The following HACD3 variants were observed in gnomAD, a reference collection of about 807,000 sequenced individuals.
HACD3 encodes the protein very-long-chain (3R)-3-hydroxyacyl-CoA dehydratase 3.
HACD3 carries 30 observed loss-of-function variants against 55.2 expected under a neutral mutation model. That is an observed-to-expected ratio of 0.54 (90% CI 0.41 to 0.74). The LOEUF (loss-of-function observed/expected upper bound fraction) is 0.74, where lower values mean the gene tolerates loss of function less well. HACD3 is among the 30% of genes least tolerant of loss of function. The pLI, the probability that HACD3 is intolerant of heterozygous loss-of-function variation, is 0.00. For missense variants in HACD3, 363 were observed against 440.1 expected, an observed-to-expected ratio of 0.82 and a Z score of 1.57; for synonymous variants, 141 against 151.7, an observed-to-expected ratio of 0.93 and a Z score of 0.52.
At chr15:65,561,042 G>A (rs1218879726) in intron 5 of HACD3, among the ~76,000 whole-genome samples, 1 of 152,130 alleles carries the variant, frequency 6.6e-6, no homozygotes, top group Admixed American at 6.5e-5. Flanking sequence ...TTCAGTTAAT[G>A]CTTGGTTGAG....
rs1030357404 is a variant in HACD3 at position 65,576,759 on chromosome 15, G to T, written c.*380G>T. 5.5e-6 allele frequency: 1 copy of T among 182,852 alleles called. No individual in the cohort carries two copies. The highest frequency in any genetic ancestry group is 2.4e-5 in the African/African-American group (1 of 41,932). The allele number at this position is 182,852 out of a possible 1,614,324, so 11.3% of individuals were successfully genotyped here. A position where few individuals can be genotyped will look rare whatever the true frequency, so the allele number is the denominator to read the frequency against. ...GATTTGTTCTTTTCAGCTATTGCTT[G>T]TGAAAAAAAGCAAGACTATGTCACT... On this transcript the variant is annotated 3_prime_UTR_variant, in exon 11 of 11. Transcript: ENST00000261875.
At position 65,530,982 on chromosome 15, in the gene HACD3, T is replaced by C. The variant is rs1596200252; in HGVS notation, c.87+264T>C. 6.7e-6 allele frequency: 3 copies of C among 448,046 alleles called. No homozygotes were observed. The East Asian group carries it at 1.2e-4, about 18-fold the overall frequency. The allele number at this position is 448,046 out of a possible 1,614,324, so 27.8% of individuals were successfully genotyped here. A position where few individuals can be genotyped will look rare whatever the true frequency, so the allele number is the denominator to read the frequency against. On this transcript the variant is annotated intron_variant, in intron 1 of 10. Transcript: ENST00000261875. Reference sequence around the variant, plus strand: ...GGCCTCTCAGGCTACCCCGGGCCTCTTCTTTGTTCGCAGTCGGCGGCCTTC... The same window carrying C: ...GGCCTCTCAGGCTACCCCGGGCCTCCTCTTTGTTCGCAGTCGGCGGCCTTC...
Position 65,538,284 on chromosome 15 carries a change from A to G in HACD3, c.87+7566A>G, listed in dbSNP as rs965994850. ...CACCATTCTAGATACCATTAAGATC[A>G]TTTGTGATTCATAGGAAGAGGTCAA... is the stretch of plus-strand genomic sequence containing the variant. On this transcript the variant is annotated intron_variant, in intron 1 of 10. Transcript: ENST00000261875. Among the ~76,000 whole-genome samples the G allele has an allele frequency of 2.6e-5, 4 of 152,202 alleles. No individual in the cohort carries two copies. In the East Asian group the frequency reaches 5.8e-4, roughly 22 times the overall value.
chr15:65,569,084 A>G (rs918546313), intron 7 of HACD3, among the ~76,000 whole-genome samples: 3 of 151,916 alleles, frequency 2.0e-5, no homozygotes, highest in Admixed American at 6.6e-5. Context: ...CGTCTCTACT[A>G]AAAAATAGAA....
At position 65,577,965 on chromosome 15, in the gene HACD3, T is replaced by G. The variant is rs375244971; in HGVS notation, c.*1586T>G. The G allele has an allele frequency of 3.9e-5, 6 of 152,688 alleles. No homozygotes were observed. The East Asian group carries it at 7.7e-4, about 20-fold the overall frequency. 9.5% of individuals were successfully genotyped at this position (152,688 alleles called of 1,614,324 possible). On this transcript the variant is annotated 3_prime_UTR_variant, in exon 11 of 11. Transcript: ENST00000261875. ...GGAGTAACACTTGCATAAAAGAATTTAAGGAGTGATAGCTCTTTCTGTTCT... is the reference window on the plus strand; with the variant it reads ...GGAGTAACACTTGCATAAAAGAATTGAAGGAGTGATAGCTCTTTCTGTTCT...
At chr15:65,533,011 C>A (rs559186476) in intron 1 of HACD3, among the ~76,000 whole-genome samples, 6 of 152,152 alleles carry the variant, frequency 3.9e-5, no homozygotes, top group African/African-American at 1.4e-4. Flanking sequence ...ACCTTTCTTT[C>A]ATTTAGTTAG....
At chr15:65,541,656 T>C (rs1283097849) in intron 1 of HACD3, among the ~76,000 whole-genome samples, 1 of 152,234 alleles carries the variant, frequency 6.6e-6, no homozygotes, top group Non-Finnish European at 1.5e-5. Context: ...GACCTGTCAT[T>C]AGACAAATTT....
At chr15:65,564,188 A>G (rs1296227332) in intron 6 of HACD3, 27 bp from the exon 7 acceptor site, 1 of 1,605,066 alleles carries the variant, frequency 6.2e-7, no homozygotes, top group South Asian at 1.1e-5. Flanking sequence ...CAACTGATTC[A>G]CCCTTAATGT....
intron 1 of HACD3, among the ~76,000 whole-genome samples, chr15:65,538,479 A>T (rs1458271141): frequency 6.6e-6 from 1 of 152,232 alleles, no homozygotes; most frequent in Non-Finnish European, 1.5e-5. Flanking sequence ...CAATCTCATG[A>T]TAAAACTTGA....
chr15:65,547,832 C>T lies in HACD3; in HGVS notation c.88-3844C>T, dbSNP rs537088494. ...AATGGGATGAATTGATTTCAGTTCA[C>T]TTAACAGTTATTGAGGCATTAGGTA... On this transcript the variant is annotated intron_variant, in intron 1 of 10. Coordinates refer to ENST00000261875, the MANE Select transcript of HACD3 (RefSeq NM_016395.4). Among the ~76,000 whole-genome samples, 6 of 152,286 alleles carry T rather than the reference C, an allele frequency of 3.9e-5. No homozygotes were observed. The South Asian group carries it at 1.2e-3, about 32-fold the overall frequency.
At chr15:65,531,092 G>A (rs1014830864) in intron 1 of HACD3, among the ~76,000 whole-genome samples, 2 of 152,044 alleles carry the variant, frequency 1.3e-5, no homozygotes, top group African/African-American at 4.8e-5. Flanking sequence ...GAGCTTGTTG[G>A]GTCAGGGGTG....
chr15:65,571,802 T>TA (rs1291845225), intron 9 of HACD3, 148 bp downstream of exon 9: 1 of 668,126 alleles, frequency 1.5e-6, no homozygotes, highest in Non-Finnish European at 2.5e-6. Context: ...CCTTCCATAA[T>TA]ACTCCTGGTA....
intron 7 of HACD3, 57 bp downstream of exon 7, chr15:65,564,399 G>A: frequency 1.3e-6 from 2 of 1,579,750 alleles, no homozygotes; most frequent in Non-Finnish European, 8.6e-7. Flanking sequence ...TTTGTCTAGT[G>A]GGTATGTGTA....
At chr15:65,544,500 G>C (rs958547450) in intron 1 of HACD3, among the ~76,000 whole-genome samples, 1 of 152,132 alleles carries the variant, frequency 6.6e-6, no homozygotes, top group African/African-American at 2.4e-5. Flanking sequence ...TGCTACCATT[G>C]GGGGAAACTA....
intron 7 of HACD3, among the ~76,000 whole-genome samples, chr15:65,568,743 T>C (rs570676575): frequency 9.9e-5 from 15 of 152,232 alleles, no homozygotes; most frequent in South Asian, 6.2e-4. Flanking sequence ...CGAGCTCAAA[T>C]TGGGGACTTA....
chr15:65,542,087 G>C (rs2072024955), intron 1 of HACD3, among the ~76,000 whole-genome samples: 1 of 151,714 alleles, frequency 6.6e-6, no homozygotes, highest in African/African-American at 2.4e-5. Context: ...AAATTAGCTG[G>C]GCGTGGTGGC....
intron 1 of HACD3, chr15:65,550,816 G>A (rs1003104): frequency 0.048 from 7,354 of 152,302 alleles, 611 homozygotes; most frequent in African/African-American, 0.17. Context: ...AACAAACACC[G>A]TGACACTGGG....
chr15:65,575,435 A>G (rs1409082681), intron 10 of HACD3, among the ~76,000 whole-genome samples: 5 of 152,090 alleles, frequency 3.3e-5, no homozygotes, highest in Non-Finnish European at 1.5e-5. Context: ...TGATCCACCC[A>G]TCTTGGCCTC....
intron 6 of HACD3, 24 bp downstream of exon 6, chr15:65,562,908 A>G: frequency 1.2e-6 from 2 of 1,611,634 alleles, no homozygotes; most frequent in South Asian, 1.1e-5. Context: ...TTTTGGATTA[A>G]TTTTCCCTTT....
Sources: gnomAD v4.1 joint callset for allele counts (sites outside exome capture counted in the v4.1 genomes callset) on GRCh38, gnomAD v4.1.1 for gene constraint, MANE v1.5 for transcripts, NCBI Gene and HGNC (gene_info 2026-07-23, HGNC 2026-07-21) for gene names.